WWC2: variants seen among roughly 807,000 people sequenced by gnomAD.
WWC2 encodes the protein WW and C2 domain containing 2, also known as protein WWC2.
WWC2 carries 101 observed loss-of-function variants against 138.5 expected under a neutral mutation model. That is an observed-to-expected ratio of 0.73 (90% CI 0.62 to 0.86). WWC2 has a LOEUF of 0.86. WWC2 is among the 40% of genes least tolerant of loss of function. The pLI is 0.00. For synonymous variants in WWC2, 558 were observed against 538.4 expected (o/e 1.04, Z -0.50); for missense variants, 1,420 against 1,419.4 (o/e 1.00, Z -0.01).
intron 11 of WWC2, among the ~76,000 whole-genome samples, chr4:183,262,844 T>TC (rs909619800): frequency 3.7e-4 from 56 of 152,134 alleles, no homozygotes; most frequent in African/African-American, 1.3e-3. Flanking sequence ...CAGCCAAGCC[T>TC]CCACTCACAT....
In WWC2 at chr4:183,246,948, T is replaced by C. The variant is rs114812923; in HGVS notation, c.732+1403T>C. Among the ~76,000 whole-genome samples the C allele has an allele frequency of 7.9e-3, 1,198 of 152,318 alleles. 16 individuals are homozygous for C. Among genetic ancestry groups the C allele is most frequent in the African/African-American group, 0.028 (1,152 of 41,576 alleles). On this transcript the variant is annotated intron_variant, in intron 6 of 22. Coordinates refer to ENST00000403733, the MANE Select transcript of WWC2 (RefSeq NM_024949.6). ...TTCAACAATTTTAGGTCATCTTTCA[T>C]TCTTCCTATAAACTTTGGATTCATC...
At chr4:183,255,363 TTTTTG>T (rs2111345440) in intron 9 of WWC2, among the ~76,000 whole-genome samples, 1 of 151,968 alleles carries the variant, frequency 6.6e-6, no homozygotes, top group African/African-American at 2.4e-5. Flanking sequence ...AATTAATTTG[TTTTTG>T]TTGTTGTTGT....
chr4:183,279,333 A>G (rs1281649503), intron 16 of WWC2, among the ~76,000 whole-genome samples: 2 of 151,914 alleles, frequency 1.3e-5, no homozygotes, highest in Non-Finnish European at 2.9e-5. Flanking sequence ...AGCCCACTTG[A>G]TCATGGTGGA....
At chr4:183,215,330 A>G (rs1041210774) in intron 4 of WWC2, among the ~76,000 whole-genome samples, 1 of 152,236 alleles carries the variant, frequency 6.6e-6, no homozygotes, top group African/African-American at 2.4e-5. Context: ...AACTGCAGAA[A>G]ATGAAACTGT....
chr4:183,243,124 G>C (rs947483638), intron 5 of WWC2, among the ~76,000 whole-genome samples: 1 of 152,188 alleles, frequency 6.6e-6, no homozygotes, highest in Non-Finnish European at 1.5e-5. Flanking sequence ...TCTTGAACCA[G>C]TCCTGCTTTT....
In WWC2 at chr4:183,319,513, T is replaced by C. The variant is rs761336229; in HGVS notation, c.*3784T>C. 2.0e-6 allele frequency: 3 copies of C among 1,537,894 alleles called. No homozygotes were observed. Among genetic ancestry groups the C allele is most frequent in the Non-Finnish European group, 1.7e-6 (2 of 1,143,024 alleles). On this transcript the variant is annotated 3_prime_UTR_variant, in exon 23 of 23. Coordinates refer to ENST00000403733, the MANE Select transcript of WWC2 (RefSeq NM_024949.6). ...CGGGACATCCTACCAAATCCAGTGT[T>C]GAGCAAGCGTCTCCTGAACAGCAGA...
Position 183,208,961 on chromosome 4 carries a change from C to T in WWC2, c.458C>T (p.Ser153Phe). The change falls in exon 4 of 23, where the codon TCT becomes TTT. Residue 153 changes from serine to phenylalanine, a missense_variant. Physicochemically the swap from Ser to Phe is radical, Grantham distance 155. Transcript: ENST00000403733. Reference sequence around the variant, plus strand: ...TTCTCTATAAAAGTATTCTCAGGATCTTCATCCAGTACTAAATATGATCCC... The same window carrying T: ...TTCTCTATAAAAGTATTCTCAGGATTTTCATCCAGTACTAAATATGATCCC... Reference protein sequence around the residue: ...SSSHTSLFSGSSSSTKYDPDI... With the variant: ...SSSHTSLFSGFSSSTKYDPDI... 6.4e-7 allele frequency: 1 copy of T among 1,557,286 alleles called. No individual in the cohort carries two copies. The highest frequency in any genetic ancestry group is 8.7e-7 in the Non-Finnish European group (1 of 1,146,542).
intron 9 of WWC2, among the ~76,000 whole-genome samples, chr4:183,259,002 A>G (rs916887515): frequency 1.3e-5 from 2 of 152,198 alleles, no homozygotes; most frequent in Admixed American, 6.5e-5. Flanking sequence ...TTGAATGTGG[A>G]TGAAATTTTA....
chr4:183,103,540 C>G (rs1248632470), intron 1 of WWC2, among the ~76,000 whole-genome samples: 1 of 150,478 alleles, frequency 6.6e-6, no homozygotes, highest in Non-Finnish European at 1.5e-5. Flanking sequence ...GTTGGCCAGG[C>G]TGGTCTCGAA....
Position 183,263,557 on chromosome 4 carries a change from G to A in WWC2, c.1910-1421G>A, listed in dbSNP as rs77984805. On this transcript the variant is annotated intron_variant, in intron 11 of 22. Transcript: ENST00000403733. ...AAGAGAAAATACATCCAAGAGCTTTGATTGCAGATAATATTCAGTTGCATG... is the reference window on the plus strand; with the variant it reads ...AAGAGAAAATACATCCAAGAGCTTTAATTGCAGATAATATTCAGTTGCATG... Among the ~76,000 whole-genome samples the A allele has an allele frequency of 2.6e-3, 402 of 152,338 alleles. 3 individuals carry two copies. Among genetic ancestry groups the A allele is most frequent in the Non-Finnish European group, 4.2e-3 (289 of 68,034 alleles).
intron 1 of WWC2, among the ~76,000 whole-genome samples, chr4:183,134,963 G>A (rs922378633): frequency 6.7e-6 from 1 of 150,270 alleles, no homozygotes; most frequent in African/African-American, 2.5e-5. Context: ...AGAGAGTCTT[G>A]CTCTGTTGCC....
At chr4:183,151,135 A>G (rs1202102859) in intron 1 of WWC2, among the ~76,000 whole-genome samples, 1 of 152,182 alleles carries the variant, frequency 6.6e-6, no homozygotes, top group Non-Finnish European at 1.5e-5. Context: ...CAATGGTTGA[A>G]CGAATTTATA....
chr4:183,230,469 G>T (rs1274873787), intron 4 of WWC2, among the ~76,000 whole-genome samples: 1 of 152,198 alleles, frequency 6.6e-6, no homozygotes, highest in East Asian at 1.9e-4. Context: ...TTGAGGTCAG[G>T]AGTTCGAGAC....
chr4:183,179,180 A>G (rs999623380), intron 1 of WWC2, among the ~76,000 whole-genome samples: 1 of 152,194 alleles, frequency 6.6e-6, no homozygotes, highest in African/African-American at 2.4e-5. Context: ...TCTAGGCTGT[A>G]TGTAGAGAAA....
At chr4:183,107,435 A>G (rs1743404142) in intron 1 of WWC2, among the ~76,000 whole-genome samples, 1 of 152,164 alleles carries the variant, frequency 6.6e-6, no homozygotes, top group African/African-American at 2.4e-5. Flanking sequence ...GATGTGAGCC[A>G]CCACAACTGG....
intron 1 of WWC2, among the ~76,000 whole-genome samples, chr4:183,161,464 G>C (rs149239589): frequency 6.6e-6 from 1 of 152,310 alleles, no homozygotes; most frequent in African/African-American, 2.4e-5. Context: ...GTAACAGTGA[G>C]TAATGTGTGT....
chr4:183,264,830 T>G (rs1737440707), intron 11 of WWC2, 148 bp from the exon 12 acceptor site: 9 of 842,456 alleles, frequency 1.1e-5, no homozygotes, highest in African/African-American at 1.7e-5. Context: ...CTTGAGTTGT[T>G]TACAGCTGTA....
intron 1 of WWC2, among the ~76,000 whole-genome samples, chr4:183,120,801 G>A (rs988129220): frequency 3.3e-5 from 5 of 152,200 alleles, no homozygotes; most frequent in African/African-American, 4.8e-5. Context: ...TTGTGGCCCA[G>A]GCTGGAGTGC....
intron 22 of WWC2, among the ~76,000 whole-genome samples, chr4:183,314,322 G>A (rs56163954): frequency 0.019 from 2,964 of 152,310 alleles, 85 homozygotes; most frequent in African/African-American, 0.068. Flanking sequence ...ATTGTCTAGC[G>A]TGGAAAGTCA....
Sources: allele counts gnomAD v4.1 joint callset (sites outside exome capture counted in the v4.1 genomes callset), GRCh38; gene constraint gnomAD v4.1.1; transcripts MANE v1.5; gene names NCBI Gene and HGNC (gene_info 2026-07-23, HGNC 2026-07-21).